ASTN2: variants seen among roughly 807,000 people sequenced by gnomAD.
ASTN2 encodes astrotactin-2.
Under a neutral mutation model 139.8 loss-of-function variants are expected in ASTN2, and 54 were observed. That is an observed-to-expected ratio of 0.39 (90% CI 0.31 to 0.48). ASTN2 has a LOEUF of 0.48. Among genes scored for constraint, ASTN2 ranks in the 20% least tolerant of loss-of-function variants. The pLI is 0.95. For missense variants in ASTN2, 1,565 were observed against 1,725.1 expected, an observed-to-expected ratio of 0.91 and a Z score of 1.64; for synonymous variants, 756 against 719.5, an observed-to-expected ratio of 1.05 and a Z score of -0.81.
intron 4 of ASTN2, among the ~76,000 whole-genome samples, chr9:117,103,598 A>G (rs1290688727): frequency 1.3e-5 from 2 of 152,190 alleles, no homozygotes; most frequent in Non-Finnish European, 2.9e-5. Context: ...CTGCTCTGCC[A>G]GCCTCGACAG....
At chr9:116,819,021 G>T (rs141013980) in intron 12 of ASTN2, among the ~76,000 whole-genome samples, 95 of 152,260 alleles carry the variant, frequency 6.2e-4, no homozygotes, top group African/African-American at 2.2e-3. Context: ...AAAATGGAAG[G>T]TCAGGGGTCC....
chr9:117,077,363 A>T (rs1221279876), intron 5 of ASTN2, among the ~76,000 whole-genome samples: 1 of 152,174 alleles, frequency 6.6e-6, no homozygotes, highest in Non-Finnish European at 1.5e-5. Context: ...TGAGGTGGGG[A>T]TGTTCACAAT....
intron 3 of ASTN2, chr9:117,181,234 A>G: frequency 1.7e-6 from 1 of 577,842 alleles, no homozygotes; most frequent in Non-Finnish European, 3.1e-6. Flanking sequence ...TCTTCACAGC[A>G]ATGTATAAGC....
chr9:117,233,506 G>A (rs749980498), intron 2 of ASTN2, among the ~76,000 whole-genome samples: 1 of 152,050 alleles, frequency 6.6e-6, no homozygotes, highest in South Asian at 2.1e-4. Flanking sequence ...ATAAGCATAT[G>A]TGTGTGTGTG....
intron 1 of ASTN2, among the ~76,000 whole-genome samples, chr9:117,348,565 C>T (rs1397327208): frequency 6.6e-6 from 1 of 152,104 alleles, no homozygotes; most frequent in East Asian, 1.9e-4. Flanking sequence ...AGCCTATTTA[C>T]TTGATATGCT....
intron 4 of ASTN2, among the ~76,000 whole-genome samples, chr9:117,103,686 G>A (rs985460063): frequency 6.6e-6 from 1 of 152,122 alleles, no homozygotes; most frequent in Non-Finnish European, 1.5e-5. Flanking sequence ...TTCAGGCTCC[G>A]TGTCTTCCTC....
chr9:116,839,653 A>C (rs1005582349), intron 11 of ASTN2, among the ~76,000 whole-genome samples: 1 of 151,418 alleles, frequency 6.6e-6, no homozygotes, highest in Non-Finnish European at 1.5e-5. Flanking sequence ...TGTGTGCCAC[A>C]CCGGTCTAAT....
At chr9:116,703,247 T>C (rs1435498466) in intron 16 of ASTN2, among the ~76,000 whole-genome samples, 1 of 151,544 alleles carries the variant, frequency 6.6e-6, no homozygotes, top group Non-Finnish European at 1.5e-5. Context: ...GAGCATTTTT[T>C]CATGTATTTT....
intron 2 of ASTN2, among the ~76,000 whole-genome samples, chr9:117,230,897 C>T (rs996946343): frequency 5.9e-5 from 9 of 152,156 alleles, no homozygotes; most frequent in Non-Finnish European, 1.2e-4. Context: ...AAACTCCACT[C>T]GCCTTTTAAG....
intron 10 of ASTN2, among the ~76,000 whole-genome samples, chr9:116,911,278 C>CTT (rs1834303148): frequency 1.3e-5 from 2 of 152,088 alleles, no homozygotes; most frequent in African/African-American, 4.8e-5. Flanking sequence ...AAGATCAAGA[C>CTT]GCTTATCCAT....
At position 117,060,506 on chromosome 9, in the gene ASTN2, AAAGAAAGG is replaced by A. The variant is rs1204956091; in HGVS notation, c.1277-20549_1277-20542del. On this transcript the variant is annotated intron_variant, in intron 5 of 22. Coordinates refer to ENST00000313400, the MANE Select transcript of ASTN2 (RefSeq NM_001365068.1). ...GAAGGAATGAAAGAAAGAAAGAAAG[AAAGAAAGG>A]AAGGAAGGAAGGAAGGAAGGAAAGA... Among the ~76,000 whole-genome samples, 3 of 82,224 alleles carry A rather than the reference AAAGAAAGG, an allele frequency of 3.6e-5. 1 individual carries two copies. Among genetic ancestry groups the A allele is most frequent in the South Asian group, 1.1e-3 (2 of 1,888 alleles). The allele number at this position is 82,224 out of a possible 152,430, so 53.9% of individuals were successfully genotyped here. A position where few individuals can be genotyped will look rare whatever the true frequency, so the allele number is the denominator to read the frequency against.
intron 2 of ASTN2, among the ~76,000 whole-genome samples, chr9:117,218,079 G>A (rs1832390674): frequency 6.6e-6 from 1 of 152,204 alleles, no homozygotes; most frequent in African/African-American, 2.4e-5. Context: ...AGGAGCAAAA[G>A]CCTACTTAGC....
At chr9:116,630,751 A>C (rs752032046) in intron 17 of ASTN2, among the ~76,000 whole-genome samples, 3 of 152,232 alleles carry the variant, frequency 2.0e-5, no homozygotes, top group Non-Finnish European at 4.4e-5. Context: ...TGCAAAGGAA[A>C]CAGTCAATAG....
At chr9:117,198,279 G>A (rs1461050398) in intron 3 of ASTN2, among the ~76,000 whole-genome samples, 1 of 152,072 alleles carries the variant, frequency 6.6e-6, no homozygotes, top group Non-Finnish European at 1.5e-5. Flanking sequence ...AACATGTGGG[G>A]TTTGGTTTTC....
At chr9:116,428,045 G>A (rs963573262) in intron 22 of ASTN2, among the ~76,000 whole-genome samples, 1 of 152,238 alleles carries the variant, frequency 6.6e-6, no homozygotes, top group Admixed American at 6.5e-5. Context: ...AGAACTTCTG[G>A]TAGAGAAGAT....
intron 13 of ASTN2, among the ~76,000 whole-genome samples, chr9:116,802,282 T>A (rs969132458): frequency 1.3e-5 from 2 of 152,016 alleles, no homozygotes; most frequent in African/African-American, 4.8e-5. Flanking sequence ...GAGACAGCAT[T>A]TCATCATGTT....
At chr9:117,256,859 T>C (rs999451375) in intron 2 of ASTN2, among the ~76,000 whole-genome samples, 4 of 152,200 alleles carry the variant, frequency 2.6e-5, no homozygotes, top group African/African-American at 9.6e-5. Flanking sequence ...CTATTTTCTA[T>C]GCATTTAAGA....
At position 116,739,294 on chromosome 9, in the gene ASTN2, C is replaced by T. The variant is rs953036849; in HGVS notation, c.2397-5771G>A. On this transcript the variant is annotated intron_variant, in intron 13 of 22. Coordinates refer to ENST00000313400, the MANE Select transcript of ASTN2 (RefSeq NM_001365068.1). ...GAAGACCAGGAGAGAATCAATGTTG[C>T]ATTGAGGTCTACAAGATCCCTCATT... is the stretch of plus-strand genomic sequence containing the variant. Among the ~76,000 whole-genome samples, 4 of 152,128 alleles carry T rather than the reference C, an allele frequency of 2.6e-5. No homozygotes were observed. In the East Asian group the frequency reaches 7.7e-4, roughly 29 times the overall value.
intron 11 of ASTN2, among the ~76,000 whole-genome samples, chr9:116,836,316 T>C (rs7852640): frequency 0.24 from 36,028 of 151,984 alleles, 4,905 homozygotes; most frequent in East Asian, 0.5. Context: ...TGCTTCAATG[T>C]CATGGATTAG....
Sources: allele counts gnomAD v4.1 joint callset (sites outside exome capture counted in the v4.1 genomes callset), GRCh38; gene constraint gnomAD v4.1.1; transcripts MANE v1.5; gene names NCBI Gene and HGNC (gene_info 2026-07-23, HGNC 2026-07-21).